Variants in AGAP6 observed in about 807,000 individuals in gnomAD.
The protein encoded by AGAP6 is ArfGAP with GTPase domain, ankyrin repeat and PH domain 6.
In AGAP6, 29 loss-of-function variants were observed where a neutral mutation model predicts 63.9. The ratio of observed to expected loss-of-function variants is 0.45; its 90% CI spans 0.34 to 0.62. The LOEUF is 0.62. Among genes scored for constraint, AGAP6 ranks in the 20% least tolerant of loss-of-function variants. The pLI is 0.01. For synonymous variants in AGAP6, 199 were observed against 332.9 expected (o/e 0.60, Z 4.38); for missense variants, 493 against 884.9 (o/e 0.56, Z 5.62).
chr10:49,993,490 C>T (rs1187094431), intron 3 of AGAP6, among the ~76,000 whole-genome samples: 1 of 152,086 alleles, frequency 6.6e-6, no homozygotes, highest in South Asian at 2.1e-4. Context: ...GCTGCAGACA[C>T]CATGTCCAAT....
rs1246090784 is a variant in AGAP6 at position 50,003,802 on chromosome 10, A to G, written c.498-883A>G. ...TTTAAGGTCTGTTTCCCTGATCTGT[A>G]AAACGAGTGTTGAATTAAATGTCAC... On this transcript the variant is annotated intron_variant, in intron 5 of 7. Transcript: ENST00000412531. Among the ~76,000 whole-genome samples the G allele has an allele frequency of 2.0e-5, 3 of 152,218 alleles. No homozygotes were observed. In the East Asian group the frequency reaches 5.8e-4, roughly 29 times the overall value.
In AGAP6 at chr10:50,009,069, A is replaced by T; in HGVS notation, c.944A>T (p.Tyr315Phe). Reference protein sequence around the residue: ...VTLCSNGMLTYYSSLGDYMKN... With the variant: ...VTLCSNGMLTFYSSLGDYMKN... ...CTGTGTTCCAATGGCATGCTCACCT[A>T]TTATTCAAGCTTAGGTGATTATATG... The change falls in exon 8 of 8, where the codon TAT (tyrosine) becomes TTT (phenylalanine). Residue 315 changes from tyrosine (Y) to phenylalanine (F), a missense_variant. Transcript: ENST00000412531. The T allele has an allele frequency of 6.2e-6, 10 of 1,613,624 alleles. No homozygotes were observed. The highest frequency in any genetic ancestry group is 8.5e-6 in the Non-Finnish European group (10 of 1,179,892).
chr10:49,993,612 T>C (rs1841367801), intron 3 of AGAP6, among the ~76,000 whole-genome samples: 4 of 152,074 alleles, frequency 2.6e-5, no homozygotes, highest in African/African-American at 9.7e-5. Context: ...GGTTAGGAGA[T>C]CAAGACCATC....
At chr10:49,989,761 G>T (rs1554860449) in intron 2 of AGAP6, among the ~76,000 whole-genome samples, 1 of 152,236 alleles carries the variant, frequency 6.6e-6, no homozygotes, top group African/African-American at 2.4e-5. Flanking sequence ...AAAAAGGAGA[G>T]TGCTTAAAGT....
At chr10:49,991,829 T>C (rs1311097323) in intron 3 of AGAP6, 85 bp downstream of exon 3, 10 of 1,572,454 alleles carry the variant, frequency 6.4e-6, no homozygotes, top group Non-Finnish European at 8.5e-6. Context: ...GAAAAACTCA[T>C]ATTGGTTTAA....
chr10:49,999,131 A>G lies in AGAP6; in HGVS notation c.397-2865A>G, dbSNP rs1486863807. 1.5e-5 allele frequency among the ~76,000 whole-genome samples: 2 copies of G among 136,622 alleles called. 1 individual carries two copies. The highest frequency in any genetic ancestry group is 3.1e-5 in the Non-Finnish European group (2 of 65,054). The allele number at this position is 136,622 out of a possible 152,430, so 89.6% of individuals were successfully genotyped here. ...CGCTCACCTGTAATCCCATCTACTCAGGTGGCTGAGGCAGGAGAATCGCTT... is the reference window on the plus strand; with the variant it reads ...CGCTCACCTGTAATCCCATCTACTCGGGTGGCTGAGGCAGGAGAATCGCTT... On this transcript the variant is annotated intron_variant, in intron 4 of 7. Coordinates refer to ENST00000412531, the MANE Select transcript of AGAP6 (RefSeq NM_001077665.3).
chr10:50,001,488 C>T (rs1357419613), intron 4 of AGAP6, among the ~76,000 whole-genome samples: 4 of 102,606 alleles, frequency 3.9e-5, no homozygotes, highest in African/African-American at 1.3e-4. Flanking sequence ...GGCGCGAACT[C>T]GGCTCACTGC....
intron 5 of AGAP6, 71 bp from the exon 6 acceptor site, chr10:50,004,614 C>T (rs1210975652): frequency 7.8e-6 from 6 of 767,704 alleles, no homozygotes; most frequent in African/African-American, 1.8e-5. Context: ...CCTCTGCCCC[C>T]CTTTTAAAAA....
intron 1 of AGAP6, 41 bp downstream of exon 1, chr10:49,988,979 T>C (rs782331278): frequency 1.9e-6 from 3 of 1,600,562 alleles, no homozygotes; most frequent in African/African-American, 1.3e-5. Flanking sequence ...GGTTTGCCTC[T>C]GGCTGCTGCT....
intron 2 of AGAP6, among the ~76,000 whole-genome samples, chr10:49,990,111 C>G (rs549906777): frequency 5.3e-5 from 8 of 152,150 alleles, no homozygotes; most frequent in Non-Finnish European, 1.2e-4. Flanking sequence ...GTCCCTTCCC[C>G]TCCTGACAAT....
intron 4 of AGAP6, among the ~76,000 whole-genome samples, chr10:49,997,516 A>G (rs1564709841): frequency 6.6e-6 from 1 of 151,906 alleles, no homozygotes; most frequent in Non-Finnish European, 1.5e-5. Context: ...GAAAAAAGTT[A>G]CTAATTCTTT....
At chr10:49,999,328 G>C (rs1253549915) in intron 4 of AGAP6, among the ~76,000 whole-genome samples, 2 of 134,444 alleles carry the variant, frequency 1.5e-5, no homozygotes, top group Non-Finnish European at 3.1e-5. Flanking sequence ...CAATAAATGT[G>C]ATACACCACA....
At chr10:50,005,386 C>T (rs1234372814) in intron 6 of AGAP6, among the ~76,000 whole-genome samples, 4 of 151,768 alleles carry the variant, frequency 2.6e-5, no homozygotes, top group Admixed American at 6.6e-5. Flanking sequence ...CTGAGGCAGG[C>T]GGATCACAAG....
intron 7 of AGAP6, 115 bp from the exon 8 acceptor site, chr10:50,008,596 C>T: frequency 3.5e-6 from 5 of 1,434,950 alleles, no homozygotes; most frequent in Non-Finnish European, 4.6e-6. Context: ...CAGGTGTGAG[C>T]CACCATGCCT....
At position 49,999,279 on chromosome 10, in the gene AGAP6, T is replaced by C. The variant is rs1164578126; in HGVS notation, c.397-2717T>C. On this transcript the variant is annotated intron_variant, in intron 4 of 7. Coordinates refer to ENST00000412531, the MANE Select transcript of AGAP6 (RefSeq NM_001077665.3). ...ATAATCCACCATGATCAAATGGGTT[T>C]CATACCAGGGATGCAGGGATGGATT... Among the ~76,000 whole-genome samples, 2 of 134,974 alleles carry C rather than the reference T, an allele frequency of 1.5e-5. 1 individual carries two copies. Among genetic ancestry groups the C allele is most frequent in the African/African-American group, 5.7e-5 (2 of 35,078 alleles). 88.5% of individuals were successfully genotyped at this position (134,974 alleles called of 152,430 possible).
At position 49,991,996 on chromosome 10, in the gene AGAP6, A is replaced by T. The variant is rs572092559; in HGVS notation, c.361+252A>T. The stretch of plus-strand genomic sequence containing the variant: ...TAATTTGTCATGTGATGGAGGAGTC[A>T]TGGATTTCTCTTTATAATTCTTGGA... On this transcript the variant is annotated intron_variant, in intron 3 of 7. Transcript: ENST00000412531. 3.7e-4 allele frequency among the ~76,000 whole-genome samples: 57 copies of T among 152,302 alleles called. No individual in the cohort carries two copies. In the South Asian group the frequency reaches 0.011, roughly 28 times the overall value.
At chr10:49,990,394 G>C (rs555814828) in intron 2 of AGAP6, among the ~76,000 whole-genome samples, 38 of 152,348 alleles carry the variant, frequency 2.5e-4, no homozygotes, top group African/African-American at 8.9e-4. Flanking sequence ...GCAGTGAGCA[G>C]AGATCACGCC....
chr10:50,005,524 C>A (rs552791798), intron 6 of AGAP6, among the ~76,000 whole-genome samples: 1 of 151,488 alleles, frequency 6.6e-6, no homozygotes, highest in South Asian at 2.1e-4. Context: ...GGCAGGAGAA[C>A]CGCTTGAACT....
At chr10:49,996,386 A>G (rs1841487634) in intron 4 of AGAP6, among the ~76,000 whole-genome samples, 1 of 152,052 alleles carries the variant, frequency 6.6e-6, no homozygotes, top group Non-Finnish European at 1.5e-5. Flanking sequence ...CTGTTAACTG[A>G]TAGCATCAGT....
Sources: allele counts gnomAD v4.1 joint callset (sites outside exome capture counted in the v4.1 genomes callset), GRCh38; gene constraint gnomAD v4.1.1; transcripts MANE v1.5; gene names NCBI Gene and HGNC (gene_info 2026-07-23, HGNC 2026-07-21).